Variants in COA1 observed in about 807,000 individuals in gnomAD.
COA1 encodes cytochrome c oxidase assembly factor 1 homolog.
In COA1, 13 loss-of-function variants were observed where a neutral mutation model predicts 16.0. That is an observed-to-expected ratio of 0.81 (90% confidence interval 0.53 to 1.29). COA1 has a LOEUF of 1.29. Ranked by LOEUF, COA1 falls within the 50% of genes most tolerant of loss-of-function variation. COA1 has a pLI of 0.00. For synonymous variants in COA1, 65 were observed against 65.7 expected, an observed-to-expected ratio of 0.99 and a Z score of 0.05; for missense variants, 179 against 177.0, an observed-to-expected ratio of 1.01 and a Z score of -0.06.
chr7:43,725,592 C>T (rs1467786868), intron 1 of COA1, among the ~76,000 whole-genome samples: 1 of 152,196 alleles, frequency 6.6e-6, no homozygotes, highest in Non-Finnish European at 1.5e-5. Flanking sequence ...GGCGCAATGG[C>T]TCATGCCTAT....
At chr7:43,650,422 G>T (rs1002227047) in intron 1 of COA1, 1 of 152,218 alleles carries the variant, frequency 6.6e-6, no homozygotes, top group East Asian at 1.9e-4. Flanking sequence ...GTAAGGAAAT[G>T]AAGATAAATG....
intron 4 of COA1, among the ~76,000 whole-genome samples, chr7:43,644,567 C>T (rs888106910): frequency 4.0e-5 from 6 of 151,704 alleles, no homozygotes; most frequent in African/African-American, 1.2e-4. Flanking sequence ...CACTCTGTCA[C>T]CCAGGATGGA....
chr7:43,663,196 C>A (rs1210820713), intron 1 of COA1, among the ~76,000 whole-genome samples: 2 of 152,188 alleles, frequency 1.3e-5, no homozygotes, highest in South Asian at 4.1e-4. Flanking sequence ...ATATGATGTA[C>A]CTGGTCCCAC....
chr7:43,716,310 C>T (rs1252803041), intron 1 of COA1, among the ~76,000 whole-genome samples: 1 of 152,076 alleles, frequency 6.6e-6, no homozygotes, highest in African/African-American at 2.4e-5. Flanking sequence ...GACAAAAATG[C>T]TGATAGTGAT....
At chr7:43,638,136 CAT>C (rs963701799), downstream of COA1, among the ~76,000 whole-genome samples, 2 of 151,968 alleles carry the variant, frequency 1.3e-5, no homozygotes, top group African/African-American at 4.8e-5. Flanking sequence ...TCAAAGAACA[CAT>C]AAATATGTTT....
intron 6 of COA1, chr7:43,633,055 C>G (rs2085331621): frequency 6.6e-6 from 1 of 152,214 alleles, no homozygotes; most frequent in African/African-American, 2.4e-5. Context: ...TGACAAGAGT[C>G]AGCTTGTCCT....
At chr7:43,624,635 T>A (rs747027875) in intron 6 of COA1, 68 of 1,613,924 alleles carry the variant, frequency 4.2e-5, no homozygotes, top group Non-Finnish European at 5.0e-5. Context: ...TCCAAGAAGG[T>A]CATTCTGTGC....
intron 3 of COA1, chr7:43,646,235 G>A: frequency 4.4e-6 from 1 of 225,410 alleles, no homozygotes; most frequent in Non-Finnish European, 9.4e-6. Context: ...AGGGATACAG[G>A]GAATACCACA....
intron 6 of COA1, among the ~76,000 whole-genome samples, chr7:43,612,458 C>T (rs1445489125): frequency 1.3e-5 from 2 of 152,198 alleles, no homozygotes; most frequent in African/African-American, 4.8e-5. Flanking sequence ...TCTCTAGAAG[C>T]GTTTGAAAGA....
chr7:43,660,925 G>A (rs2092360750), intron 1 of COA1, among the ~76,000 whole-genome samples: 1 of 152,062 alleles, frequency 6.6e-6, no homozygotes, highest in Non-Finnish European at 1.5e-5. Flanking sequence ...GCATTACACG[G>A]TCTTACTGCC....
At chr7:43,644,761 G>GATAGATAGATTA in intron 4 of COA1, among the ~76,000 whole-genome samples, 1 of 90,134 alleles carries the variant, frequency 1.1e-5, no homozygotes, top group African/African-American at 4.1e-5. Context: ...TAGATAGATA[G>GATAGATAGATTA]GCAGGCAGGC....
At position 43,691,273 on chromosome 7, in the gene COA1, GAAAGAAAGAAAGAAAGAAAGAAA is replaced by G. The variant is rs1161154507; in HGVS notation, c.-39+38133_-39+38155del. 1.5e-3 allele frequency among the ~76,000 whole-genome samples: 44 copies of G among 29,872 alleles called. 1 individual carries two copies. The highest frequency in any genetic ancestry group is 2.3e-3 in the Non-Finnish European group (39 of 16,702). The allele number at this position is 29,872 out of a possible 152,430, so 19.6% of individuals were successfully genotyped here. On this transcript the variant is annotated intron_variant, in intron 1 of 5. Coordinates refer to ENST00000223336, the MANE Select transcript of COA1 (RefSeq NM_018224.4). Reference sequence around the variant, plus strand: ...CAAAAAAAGAAAGAAAGAAAAGAAAGAAAGAAAGAAAGAAAGAAAGAAAGAAAGAAAGAAAGAAAGAAAGAAAG... The same window carrying G: ...CAAAAAAAGAAAGAAAGAAAAGAAAGGAAAGAAAGAAAGAAAGAAAGAAAG...
chr7:43,691,281 G>GA (rs1224437896), intron 1 of COA1, among the ~76,000 whole-genome samples: 702 of 34,576 alleles, frequency 0.02, 30 homozygotes, highest in East Asian at 0.046. Context: ...AAGAAAGAAA[G>GA]AAAGAAAGAA....
At chr7:43,660,515 A>G (rs2092315296) in intron 1 of COA1, among the ~76,000 whole-genome samples, 1 of 152,170 alleles carries the variant, frequency 6.6e-6, no homozygotes, top group African/African-American at 2.4e-5. Context: ...GGGTCTTATA[A>G]AGCAGGAATT....
intron 1 of COA1, among the ~76,000 whole-genome samples, chr7:43,661,685 G>C (rs1311988172): frequency 6.6e-6 from 1 of 150,638 alleles, no homozygotes; most frequent in Admixed American, 6.6e-5. Context: ...CAGTTTCCTA[G>C]ATCACAATCC....
chr7:43,653,084 G>A (rs552204538), intron 1 of COA1, among the ~76,000 whole-genome samples: 24 of 152,232 alleles, frequency 1.6e-4, no homozygotes, highest in African/African-American at 5.8e-4. Context: ...AGGCCGAGGC[G>A]GGTGGATCAC....
downstream of COA1, among the ~76,000 whole-genome samples, chr7:43,638,287 C>T (rs2086249639): frequency 6.6e-6 from 1 of 150,772 alleles, no homozygotes. Context: ...AGGAAGAGAG[C>T]TCATGGCTGT....
intron 3 of COA1, 188 bp from the exon 4 acceptor site, chr7:43,645,587 C>T (rs6957618): frequency 0.62 from 347,561 of 559,478 alleles, 110,608 homozygotes; most frequent in African/African-American, 0.84. Flanking sequence ...AAAGCACAGG[C>T]AGGCAGTGTT....
chr7:43,725,564 T>C (rs959994930), intron 1 of COA1, among the ~76,000 whole-genome samples: 2 of 152,150 alleles, frequency 1.3e-5, no homozygotes, highest in Non-Finnish European at 2.9e-5. Flanking sequence ...TTTCTAAAAA[T>C]ACTTTTACTA....
Sources: gnomAD v4.1 joint callset for allele counts (sites outside exome capture counted in the v4.1 genomes callset) on GRCh38, gnomAD v4.1.1 for gene constraint, MANE v1.5 for transcripts, NCBI Gene and HGNC (gene_info 2026-07-23, HGNC 2026-07-21) for gene names.